The following STOX2 variants were observed in gnomAD, a reference collection of about 807,000 sequenced individuals.
The protein encoded by STOX2 is storkhead-box protein 2.
A neutral mutation model predicts 60.9 loss-of-function variants in STOX2; 28 were observed. The observed-to-expected ratio is 0.46, with a 90% CI of 0.34 to 0.63. STOX2 has a LOEUF of 0.63. Ranked by LOEUF, STOX2 falls within the 30% of genes least tolerant of loss-of-function variation. The pLI, the probability that STOX2 is intolerant of heterozygous loss-of-function variation, is 0.01. For missense variants in STOX2, 1,024 were observed against 1,187.7 expected, an observed-to-expected ratio of 0.86 and a Z score of 2.03; for synonymous variants, 472 against 463.9, an observed-to-expected ratio of 1.02 and a Z score of -0.22.
rs1450259510 is a variant in STOX2, at chr4:184,009,347, G to T, written c.509G>T (p.Cys170Phe). The T allele has an allele frequency of 1.9e-6, 3 of 1,613,928 alleles. No homozygotes were observed. The highest frequency in any genetic ancestry group is 1.1e-5 in the South Asian group (1 of 91,066). The change falls in exon 3 of 4, where the codon TGC (cysteine) becomes TTC (phenylalanine). Residue 170 changes from cysteine to phenylalanine, a missense_variant. This residue lies in a region of STOX2 where 922 missense variants were observed against 1,058.3 expected (regional missense o/e 0.87). Coordinates refer to ENST00000308497, the MANE Select transcript of STOX2 (RefSeq NM_020225.3). This position sits in a 1 kb window ranked among gnomAD's most constrained non-coding sequence, Gnocchi z 4.0. Reference sequence around the variant, plus strand: ...GAGAGGATACCTGACCGGTCTCAGTGCACCTCTCCGCAACCCGGGACCATC... The same window carrying T: ...GAGAGGATACCTGACCGGTCTCAGTTCACCTCTCCGCAACCCGGGACCATC... ...LDERIPDRSQCTSPQPGTITP... is the reference protein window; with the variant it reads ...LDERIPDRSQFTSPQPGTITP...
At chr4:184,013,713 T>C (rs1484767024) in intron 3 of STOX2, among the ~76,000 whole-genome samples, 1 of 152,256 alleles carries the variant, frequency 6.6e-6, no homozygotes, top group Non-Finnish European at 1.5e-5. Flanking sequence ...GAAACTTTGC[T>C]CTGCAGTCTG....
rs112819633 is a variant in STOX2, at chr4:184,018,645, C to A, written c.*1361C>A. ...TTAGCTGGATGTGTAGTTAATTAGA[C>A]CAACTTATTTCCAAATGGTTTGTTA... On this transcript the variant is annotated 3_prime_UTR_variant, in exon 4 of 4. Transcript: ENST00000308497. 5.9e-5 allele frequency: 9 copies of A among 152,272 alleles called. 1 individual carries two copies. The highest frequency in any genetic ancestry group is 2.2e-4 in the African/African-American group (9 of 41,566). The allele number at this position is 152,272 out of a possible 1,614,324, so 9.4% of individuals were successfully genotyped here.
intron 1 of STOX2, among the ~76,000 whole-genome samples, chr4:183,848,715 G>A (rs1328879482): frequency 6.6e-6 from 1 of 152,230 alleles, no homozygotes; most frequent in Admixed American, 6.5e-5. Context: ...CAAACTTGGA[G>A]CAAGCTGTCA....
At chr4:184,000,360 C>T (rs1733533415) in intron 1 of STOX2, among the ~76,000 whole-genome samples, 1 of 152,224 alleles carries the variant, frequency 6.6e-6, no homozygotes, top group South Asian at 2.1e-4. Context: ...TCTTCAGCCT[C>T]TCCTGCCTCC....
At chr4:183,849,337 T>C (rs1740058491) in intron 1 of STOX2, among the ~76,000 whole-genome samples, 1 of 152,150 alleles carries the variant, frequency 6.6e-6, no homozygotes, top group Admixed American at 6.5e-5. Context: ...TGGGCTGAAG[T>C]CAAAGGCCTC....
rs183998156 is a variant in STOX2, at chr4:184,016,692, G to A, written c.2586-397G>A. ...AAAATTATCGAGTGTGTTCAGGAGC[G>A]GCTATGCCAGTGAATTTCCAGCCTG... is the stretch of plus-strand genomic sequence containing the variant. On this transcript the variant is annotated intron_variant, in intron 3 of 3. Transcript: ENST00000308497. Among the ~76,000 whole-genome samples, 14 of 152,230 alleles carry A rather than the reference G, an allele frequency of 9.2e-5. No homozygotes were observed. In the East Asian group the frequency reaches 9.7e-4, roughly 11 times the overall value.
intron 1 of STOX2, among the ~76,000 whole-genome samples, chr4:183,889,983 T>G (rs1314436149): frequency 6.6e-6 from 1 of 152,208 alleles, no homozygotes; most frequent in Non-Finnish European, 1.5e-5. Flanking sequence ...TATGGCAGAC[T>G]ATACAGCCTG....
rs557454471 is a variant in STOX2 at position 183,961,910 on chromosome 4, A to G, written c.167-39415A>G. Among the ~76,000 whole-genome samples, 3 of 152,362 alleles carry G rather than the reference A, an allele frequency of 2.0e-5. No homozygotes were observed. The South Asian group carries it at 6.2e-4, about 32-fold the overall frequency. ...CTCCTGGCACAAATGCCAAAGCCAG[A>G]CAGCTTGTGCTGAGACCACAGTTGG... On this transcript the variant is annotated intron_variant, in intron 1 of 3. Coordinates refer to ENST00000308497, the MANE Select transcript of STOX2 (RefSeq NM_020225.3).
chr4:184,010,056 G>T lies in STOX2; in HGVS notation c.1218G>T (p.Val406=), dbSNP rs1319925323. ...EYDFCDPLTR[V]PREGCFIIEH... The stretch of plus-strand genomic sequence containing the variant: ...ACTTTTGTGATCCTCTTACCAGGGT[G>T]CCCAGGGAGGGCTGCTTCATCATTG... The change falls in exon 3 of 4, where the codon GTG becomes GTT. Residue 406 remains valine (V), a synonymous_variant. Transcript: ENST00000308497. The surrounding 1 kb of genome is among the most constrained non-coding windows in gnomAD (Gnocchi z 4.5). 6.2e-7 allele frequency: 1 copy of T among 1,613,660 alleles called. No individual in the cohort carries two copies. The highest frequency in any genetic ancestry group is 8.5e-7 in the Non-Finnish European group (1 of 1,179,788).
intron 1 of STOX2, among the ~76,000 whole-genome samples, chr4:183,883,490 TTTG>T (rs1332593932): frequency 6.6e-6 from 1 of 152,024 alleles, no homozygotes; most frequent in Non-Finnish European, 1.5e-5. Flanking sequence ...CAGCTAATTT[TTTG>T]TTTTTTAGTA....
chr4:183,970,108 G>A (rs1743695001), intron 1 of STOX2, among the ~76,000 whole-genome samples: 1 of 146,578 alleles, frequency 6.8e-6, no homozygotes, highest in South Asian at 2.2e-4. Flanking sequence ...GTCTTGCTAG[G>A]TTTCTCAATC....
intron 1 of STOX2, among the ~76,000 whole-genome samples, chr4:183,939,867 T>G (rs1742703020): frequency 6.6e-6 from 1 of 152,160 alleles, no homozygotes; most frequent in African/African-American, 2.4e-5. Flanking sequence ...GATAGATACA[T>G]CAGGAGTGAT....
At chr4:183,966,664 C>T (rs777877781) in intron 1 of STOX2, among the ~76,000 whole-genome samples, 8 of 152,148 alleles carry the variant, frequency 5.3e-5, no homozygotes, top group South Asian at 2.1e-4. Flanking sequence ...AACAAGGAGG[C>T]GTGCAATTTA....
intron 1 of STOX2, among the ~76,000 whole-genome samples, chr4:183,948,647 T>G (rs1742976905): frequency 7.0e-6 from 1 of 143,416 alleles, no homozygotes. Context: ...TTCTCCTGCC[T>G]CAGCCTACCA....
intron 1 of STOX2, among the ~76,000 whole-genome samples, chr4:183,907,685 C>G (rs991818213): frequency 3.3e-5 from 5 of 152,172 alleles, no homozygotes; most frequent in African/African-American, 1.2e-4. Context: ...CTGTGAAAAG[C>G]CTTCCTGAAG....
intron 1 of STOX2, among the ~76,000 whole-genome samples, chr4:183,924,199 C>T (rs970955105): frequency 2.6e-5 from 4 of 152,118 alleles, no homozygotes; most frequent in Admixed American, 1.3e-4. Context: ...GTTGCCTGTT[C>T]GTGTCAGGGC....
chr4:183,824,230 C>T (rs1739370790), intron 1 of STOX2, among the ~76,000 whole-genome samples: 1 of 152,190 alleles, frequency 6.6e-6, no homozygotes, highest in Admixed American at 6.5e-5. Context: ...ATAATTTAAG[C>T]AGGGATACCC....
rs574691739 is a variant in STOX2, at chr4:183,885,701, A to G, written c.364+87646A>G. On this transcript the variant is annotated intron_variant, in intron 1 of 2. Transcript: ENST00000513034. ...CCATTCATCCAAGGTCCTGCTCCTT[A>G]TATACACTGGTGTTTAATGCTCTTA... Among the ~76,000 whole-genome samples the G allele has an allele frequency of 1.6e-3, 237 of 152,300 alleles. 1 individual carries two copies. Among genetic ancestry groups the G allele is most frequent in the Non-Finnish European group, 2.8e-3 (189 of 68,012 alleles).
chr4:183,802,597 G>A (rs1412452002), intron 1 of STOX2, among the ~76,000 whole-genome samples: 1 of 141,482 alleles, frequency 7.1e-6, no homozygotes, highest in Non-Finnish European at 1.5e-5. Context: ...AAGGCTGGTT[G>A]TATTAGTCCA....
Sources: allele counts gnomAD v4.1 joint callset (sites outside exome capture counted in the v4.1 genomes callset), GRCh38; gene constraint gnomAD v4.1.1; regional missense constraint gnomAD v4.1.1; non-coding constraint Gnocchi (gnomAD v3.1); transcripts MANE v1.5; gene names NCBI Gene and HGNC (gene_info 2026-07-23, HGNC 2026-07-21).